LRP1B: variants seen among roughly 807,000 people sequenced by gnomAD.
LRP1B encodes the protein LDL receptor related protein 1B.
Under a neutral mutation model 556.6 loss-of-function variants are expected in LRP1B, and 217 were observed. The observed-to-expected ratio is 0.39, with a 90% confidence interval of 0.35 to 0.44. The LOEUF (loss-of-function observed/expected upper bound fraction) is 0.44. Ranked by LOEUF, LRP1B falls within the 20% of genes least tolerant of loss-of-function variation. LRP1B has a pLI of 1.00. For synonymous variants in LRP1B, 2,047 were observed against 1,865.8 expected, an observed-to-expected ratio of 1.10 and a Z score of -2.50; for missense variants, 5,053 against 5,620.8, an observed-to-expected ratio of 0.90 and a Z score of 3.23.
intron 3 of LRP1B, among the ~76,000 whole-genome samples, chr2:141,447,454 T>A (rs1470457001): frequency 1.3e-5 from 2 of 152,054 alleles, no homozygotes; most frequent in Non-Finnish European, 2.9e-5. Flanking sequence ...TTTGTGCCCT[T>A]GCTGGTGAGG....
chr2:141,678,926 T>C (rs903262365), intron 2 of LRP1B, among the ~76,000 whole-genome samples: 14 of 152,256 alleles, frequency 9.2e-5, no homozygotes, highest in Middle Eastern at 3.4e-3. Context: ...AGTAACTTGC[T>C]GCTAATGAAT....
intron 34 of LRP1B, 24 bp from the exon 35 acceptor site, chr2:140,769,368 G>C (rs778521542): frequency 2.3e-5 from 36 of 1,571,110 alleles, no homozygotes; most frequent in South Asian, 1.6e-4. Context: ...CGGAGATAAG[G>C]GGGGGAAGGG....
chr2:140,511,220 A>G (rs1204914708), intron 51 of LRP1B, among the ~76,000 whole-genome samples: 2 of 151,618 alleles, frequency 1.3e-5, no homozygotes, highest in Non-Finnish European at 2.9e-5. Context: ...TGTTAGGAGC[A>G]GAAAATTCTT....
intron 43 of LRP1B, among the ~76,000 whole-genome samples, chr2:140,595,159 A>T: frequency 7.2e-6 from 1 of 139,452 alleles, no homozygotes; most frequent in Non-Finnish European, 1.5e-5. Context: ...CCCAAAGGGA[A>T]TAAAATAAGG....
chr2:141,119,617 T>C (rs769845193), intron 7 of LRP1B, among the ~76,000 whole-genome samples: 1 of 151,806 alleles, frequency 6.6e-6, no homozygotes, highest in South Asian at 2.1e-4. Flanking sequence ...AAAAGCACAT[T>C]GTCCTGAAGA....
chr2:140,533,973 A>G, intron 47 of LRP1B, 48 bp downstream of exon 47: 8 of 1,604,540 alleles, frequency 5.0e-6, no homozygotes, highest in Non-Finnish European at 6.8e-6. Context: ...AAAGTTCAGG[A>G]AACACTTAGC....
intron 6 of LRP1B, among the ~76,000 whole-genome samples, chr2:141,200,327 T>C (rs1281945916): frequency 2.0e-5 from 3 of 151,984 alleles, no homozygotes; most frequent in African/African-American, 4.8e-5. Context: ...AAGTGGGAGC[T>C]GAATGATGAG....
chr2:141,290,126 T>G (rs2105406847), intron 3 of LRP1B, among the ~76,000 whole-genome samples: 1 of 152,246 alleles, frequency 6.6e-6, no homozygotes, highest in Admixed American at 6.5e-5. Flanking sequence ...CTCTCCCTCC[T>G]GCTTCATGAA....
chr2:141,091,214 C>T (rs1402763746), intron 7 of LRP1B, among the ~76,000 whole-genome samples: 1 of 151,902 alleles, frequency 6.6e-6, no homozygotes, highest in Non-Finnish European at 1.5e-5. Context: ...ATTTGTAGGC[C>T]ATTTGAAGGA....
chr2:140,493,567 A>G (rs559731836), intron 56 of LRP1B, among the ~76,000 whole-genome samples: 17 of 132,072 alleles, frequency 1.3e-4, no homozygotes, highest in African/African-American at 1.7e-4. Context: ...TAATTTGCCC[A>G]AGCATTTTAA....
intron 83 of LRP1B, among the ~76,000 whole-genome samples, chr2:140,314,079 T>C (rs1044544027): frequency 6.6e-6 from 1 of 151,880 alleles, no homozygotes; most frequent in African/African-American, 2.4e-5. Flanking sequence ...GCATAAACAA[T>C]AGAAGCAGTG....
chr2:140,526,938 C>G (rs967687333), intron 47 of LRP1B, among the ~76,000 whole-genome samples: 4 of 151,680 alleles, frequency 2.6e-5, no homozygotes, highest in Non-Finnish European at 5.9e-5. Flanking sequence ...AACAGCTTAC[C>G]ACTACTAGAA....
chr2:142,027,673 AACAC>A (rs3041444), intron 1 of LRP1B, among the ~76,000 whole-genome samples: 114 of 146,678 alleles, frequency 7.8e-4, no homozygotes, highest in African/African-American at 2.4e-3. Context: ...AAAAGATTAA[AACAC>A]ACACACACAC....
At chr2:141,855,811 T>A (rs552760641) in intron 1 of LRP1B, among the ~76,000 whole-genome samples, 18 of 152,126 alleles carry the variant, frequency 1.2e-4, no homozygotes, top group Non-Finnish European at 2.1e-4. Flanking sequence ...TATTATTTCT[T>A]GGAATAAAAC....
intron 2 of LRP1B, among the ~76,000 whole-genome samples, chr2:141,667,809 T>A (rs971214880): frequency 2.0e-5 from 3 of 152,134 alleles, no homozygotes; most frequent in Non-Finnish European, 4.4e-5. Context: ...CCCTCCCTAA[T>A]CACCAGCATC....
intron 27 of LRP1B, among the ~76,000 whole-genome samples, chr2:140,853,711 A>G (rs1020840144): frequency 1.3e-5 from 2 of 152,040 alleles, no homozygotes; most frequent in Non-Finnish European, 2.9e-5. Flanking sequence ...GGAGAATAAG[A>G]GACTCACAAA....
intron 2 of LRP1B, among the ~76,000 whole-genome samples, chr2:141,612,519 T>C (rs1688140942): frequency 6.6e-6 from 1 of 152,192 alleles, no homozygotes; most frequent in South Asian, 2.1e-4. Context: ...ACTTGATATT[T>C]AAACTCAGAA....
intron 7 of LRP1B, among the ~76,000 whole-genome samples, chr2:141,136,443 TTTCTA>T (rs1202798162): frequency 2.0e-5 from 3 of 151,818 alleles, no homozygotes; most frequent in African/African-American, 7.2e-5. Context: ...CAAACAAACT[TTTCTA>T]TTCTCAATTC....
At chr2:141,148,408 T>C (rs1429726964) in intron 7 of LRP1B, among the ~76,000 whole-genome samples, 1 of 152,226 alleles carries the variant, frequency 6.6e-6, no homozygotes. Context: ...GGAATTAATC[T>C]ACAGGAGGAA....
Sources: allele counts gnomAD v4.1 joint callset (sites outside exome capture counted in the v4.1 genomes callset), GRCh38; gene constraint gnomAD v4.1.1; transcripts MANE v1.5; gene names NCBI Gene and HGNC (gene_info 2026-07-23, HGNC 2026-07-21).